The following UBASH3A variants were observed in gnomAD, a reference collection of about 807,000 sequenced individuals.
UBASH3A encodes ubiquitin-associated and SH3 domain-containing protein A.
UBASH3A carries 63 observed loss-of-function variants against 73.5 expected under a neutral mutation model. That is an observed-to-expected ratio of 0.86 (90% CI 0.70 to 1.06). The LOEUF (loss-of-function observed/expected upper bound fraction) is 1.06, where lower values mean the gene tolerates loss of function less well. Among genes scored for constraint, UBASH3A ranks in the 50% least tolerant of loss-of-function variants. The pLI, the probability that UBASH3A is intolerant of heterozygous loss-of-function variation, is 0.00. For missense variants in UBASH3A, 860 were observed against 859.0 expected (o/e 1.00, Z -0.02); for synonymous variants, 363 against 351.1 (o/e 1.03, Z -0.38).
Position 42,413,614 on chromosome 21 carries a change from G to A in UBASH3A, c.667+91G>A. 2.1e-6 allele frequency: 2 copies of A among 967,232 alleles called. No homozygotes were observed. Among genetic ancestry groups the A allele is most frequent in the Non-Finnish European group, 3.1e-6 (2 of 646,344 alleles). 59.9% of individuals were successfully genotyped at this position (967,232 alleles called of 1,614,324 possible). A position where few individuals can be genotyped will look rare whatever the true frequency, so the allele number is the denominator to read the frequency against. On this transcript the variant is annotated intron_variant, in intron 5 of 14. Coordinates refer to ENST00000319294, the MANE Select transcript of UBASH3A (RefSeq NM_018961.4). The surrounding 1 kb of genome is among the most constrained non-coding windows in gnomAD (Gnocchi z 4.5). ...CATTATGTGGTTTTTAAAATGCTTA[G>A]CTATATGCCAACAGCCTGGGAAAGT...
chr21:42,405,360 C>G (rs1224053473), intron 1 of UBASH3A, among the ~76,000 whole-genome samples: 1 of 152,162 alleles, frequency 6.6e-6, no homozygotes, highest in Non-Finnish European at 1.5e-5. Flanking sequence ...GGAACCCGAA[C>G]CAGCTTTCCA....
chr21:42,412,986 G>A lies in UBASH3A; in HGVS notation c.355-38G>A, dbSNP rs368220349. 5.3e-6 allele frequency: 8 copies of A among 1,521,560 alleles called. No individual in the cohort carries two copies. The African/African-American group carries it at 9.6e-5, about 18-fold the overall frequency. The allele number at this position is 1,521,560 out of a possible 1,614,324, so 94.3% of individuals were successfully genotyped here. A position where few individuals can be genotyped will look rare whatever the true frequency, so the allele number is the denominator to read the frequency against. ...TAAATTAATAGATGACTTCTGATGA[G>A]AGGTGTGGAAACACAGGCTCTGTCT... On this transcript the variant is annotated intron_variant, in intron 3 of 14. Transcript: ENST00000319294.
chr21:42,408,186 G>A (rs1446095207), intron 2 of UBASH3A, among the ~76,000 whole-genome samples: 1 of 152,216 alleles, frequency 6.6e-6, no homozygotes, highest in East Asian at 1.9e-4. Flanking sequence ...TTATTGAAGA[G>A]AATATGGTCT....
chr21:42,428,315 C>A (rs2053474414), intron 8 of UBASH3A, among the ~76,000 whole-genome samples: 1 of 152,146 alleles, frequency 6.6e-6, no homozygotes, highest in African/African-American at 2.4e-5. Flanking sequence ...GTGGCCTTGG[C>A]AGGTCTTTGC....
rs763870040 is a variant in UBASH3A at position 42,413,177 on chromosome 21, C to T, written c.508C>T (p.Arg170Trp). 23 of 1,614,074 alleles carry T rather than the reference C, an allele frequency of 1.4e-5. No homozygotes were observed. Among genetic ancestry groups the T allele is most frequent in the Middle Eastern group, 3.3e-4 (2 of 6,084 alleles). Residue 170 changes from arginine (R) to tryptophan (W), a missense_variant, in exon 4 of 15, where the codon CGG becomes TGG. Physicochemically the swap from Arg to Trp is moderately radical, Grantham distance 101. Transcript: ENST00000319294. The surrounding 1 kb of genome is among the most constrained non-coding windows in gnomAD (Gnocchi z 4.5). ...CAGTGGCAGCCCCGCAGACGTCATC[C>T]GGGAATTCGCCATGACCTTCGCCAC... ...FVSGSPADVI[R>W]EFAMTFATEA...
At chr21:42,407,079 A>T (rs1028041356) in intron 2 of UBASH3A, among the ~76,000 whole-genome samples, 1 of 152,084 alleles carries the variant, frequency 6.6e-6, no homozygotes, top group African/African-American at 2.4e-5. Flanking sequence ...AGGTGACCTC[A>T]CCAGGTACCA....
Position 42,447,316 on chromosome 21 carries a change from A to G in UBASH3A, c.*122A>G. On this transcript the variant is annotated 3_prime_UTR_variant, in exon 15 of 15. Coordinates refer to ENST00000319294, the MANE Select transcript of UBASH3A (RefSeq NM_018961.4). ...ACCCAATGTGATTTGTAGAAGCACG[A>G]GACGCACTTTTATATCCCGGAATAT... 13 of 1,080,614 alleles carry G rather than the reference A, an allele frequency of 1.2e-5. No homozygotes were observed. The highest frequency in any genetic ancestry group is 1.7e-5 in the Non-Finnish European group (13 of 754,650). The allele number at this position is 1,080,614 out of a possible 1,614,324, so 66.9% of individuals were successfully genotyped here.
chr21:42,435,163 A>G (rs2053603574), intron 10 of UBASH3A: 1 of 455,262 alleles, frequency 2.2e-6, no homozygotes, highest in Non-Finnish European at 3.8e-6. Context: ...GGTTTGATCT[A>G]GGAATGGATG....
Position 42,406,288 on chromosome 21 carries a change from CTG to C in UBASH3A, c.114-16_114-15del, listed in dbSNP as rs2052974576. The C allele has an allele frequency of 1.2e-6, 2 of 1,612,290 alleles. No homozygotes were observed. Among genetic ancestry groups the C allele is most frequent in the Non-Finnish European group, 1.7e-6 (2 of 1,178,404 alleles). On this transcript the variant is annotated intron_variant, in intron 1 of 14. Transcript: ENST00000319294. ...AAGAATGGGCGACGTGACTTTGTGT[CTG>C]TGTCTGCTCTTCTGCAGGCTGAAAG...
intron 7 of UBASH3A, among the ~76,000 whole-genome samples, chr21:42,422,975 T>C (rs2053367039): frequency 6.6e-6 from 1 of 152,340 alleles, no homozygotes; most frequent in East Asian, 1.9e-4. Flanking sequence ...AACACGACCA[T>C]TTCATAATGT....
intron 9 of UBASH3A, among the ~76,000 whole-genome samples, chr21:42,432,692 A>T (rs984108479): frequency 2.0e-5 from 3 of 152,234 alleles, no homozygotes; most frequent in African/African-American, 7.2e-5. Context: ...ATCAATTCAC[A>T]GTTGCTAGGT....
intron 8 of UBASH3A, among the ~76,000 whole-genome samples, chr21:42,428,718 G>T (rs2053481005): frequency 6.6e-6 from 1 of 151,942 alleles, no homozygotes; most frequent in Non-Finnish European, 1.5e-5. Flanking sequence ...TGGGTAGGGG[G>T]AGAGCCTGGA....
chr21:42,444,431 G>A, intron 13 of UBASH3A, 103 bp from the exon 14 acceptor site: 2 of 848,272 alleles, frequency 2.4e-6, no homozygotes. Context: ...AGGCTTCGGG[G>A]CACTCTGAGA....
Position 42,403,972 on chromosome 21 carries a change from C to T in UBASH3A, c.27C>T (p.Tyr9=), listed in dbSNP as rs372963365. ...TGGCAGCGGGGGAGACGCAGCTCTA[C>T]GCCAAGGTCTCCAACAAGCTCAAGA... is the stretch of plus-strand genomic sequence containing the variant. MAAGETQL[Y]AKVSNKLKSR... Residue 9 remains tyrosine (Y), a synonymous_variant, in exon 1 of 15, where the codon TAC becomes TAT. Transcript: ENST00000319294. 3.5e-5 allele frequency: 53 copies of T among 1,524,790 alleles called. No individual in the cohort carries two copies. Among genetic ancestry groups the T allele is most frequent in the African/African-American group, 9.8e-5 (7 of 71,652 alleles). The allele number at this position is 1,524,790 out of a possible 1,614,324, so 94.5% of individuals were successfully genotyped here.
At chr21:42,408,967 A>G (rs2053036929) in intron 2 of UBASH3A, among the ~76,000 whole-genome samples, 1 of 151,476 alleles carries the variant, frequency 6.6e-6, no homozygotes, top group Non-Finnish European at 1.5e-5. Flanking sequence ...TCTGAATCTA[A>G]AGAAACGCAG....
intron 14 of UBASH3A, among the ~76,000 whole-genome samples, chr21:42,445,371 T>C (rs2053826936): frequency 6.6e-6 from 1 of 152,244 alleles, no homozygotes; most frequent in Non-Finnish European, 1.5e-5. Flanking sequence ...ACGTGCAGCA[T>C]AGACAATGCC....
intron 5 of UBASH3A, among the ~76,000 whole-genome samples, chr21:42,415,662 G>A (rs9974077): frequency 6.6e-6 from 1 of 152,050 alleles, no homozygotes; most frequent in Non-Finnish European, 1.5e-5. Context: ...GCGAGCAGGC[G>A]CTGCCGTCCT....
Position 42,406,270 on chromosome 21 carries a change from G to A in UBASH3A, c.114-38G>A, listed in dbSNP as rs1159462522. Reference sequence around the variant, plus strand: ...CTCTCTGACCCTTTTCCCAAGAATGGGCGACGTGACTTTGTGTCTGTGTCT... The same window carrying A: ...CTCTCTGACCCTTTTCCCAAGAATGAGCGACGTGACTTTGTGTCTGTGTCT... On this transcript the variant is annotated intron_variant, in intron 1 of 14. Transcript: ENST00000319294. 12 of 1,594,064 alleles carry A rather than the reference G, an allele frequency of 7.5e-6. No individual in the cohort carries two copies. The Admixed American group carries it at 1.2e-4, about 16-fold the overall frequency.
chr21:42,412,512 A>G (rs2053120633), intron 3 of UBASH3A, among the ~76,000 whole-genome samples: 1 of 152,194 alleles, frequency 6.6e-6, no homozygotes, highest in Non-Finnish European at 1.5e-5. Flanking sequence ...GCAGAGCCTC[A>G]GTGCCTTAGA....
Sources: allele counts gnomAD v4.1 joint callset (sites outside exome capture counted in the v4.1 genomes callset), GRCh38; gene constraint gnomAD v4.1.1; non-coding constraint Gnocchi (gnomAD v3.1); transcripts MANE v1.5; gene names NCBI Gene and HGNC (gene_info 2026-07-23, HGNC 2026-07-21).